GSK3A: variants seen among roughly 807,000 people sequenced by gnomAD.
The protein encoded by GSK3A is glycogen synthase kinase 3 alpha, also known as glycogen synthase kinase-3 alpha.
A neutral mutation model predicts 56.6 loss-of-function variants in GSK3A; 14 were observed. The observed-to-expected ratio is 0.25, with a 90% confidence interval of 0.16 to 0.39. The LOEUF is 0.39. Ranked by LOEUF, GSK3A falls within the 10% of genes least tolerant of loss-of-function variation. GSK3A has a pLI of 1.00. For missense variants in GSK3A, 450 were observed against 656.0 expected, an observed-to-expected ratio of 0.69 and a Z score of 3.43; for synonymous variants, 301 against 285.0, an observed-to-expected ratio of 1.06 and a Z score of -0.56.
At position 42,242,577 on chromosome 19, in the gene GSK3A, G is replaced by T. The variant is rs1012481122; in HGVS notation, c.-112C>A. The stretch of plus-strand genomic sequence containing the variant: ...GGCCTCTTCCAGGCCGCGCCGCTCT[G>T]GCTTGGGCTCCGGCTCCGGCCCAGC... On this transcript the variant is annotated 5_prime_UTR_variant, in exon 1 of 11. Coordinates refer to ENST00000222330, the MANE Select transcript of GSK3A (RefSeq NM_019884.3). 8 of 929,246 alleles carry T rather than the reference G, an allele frequency of 8.6e-6. No homozygotes were observed. The Admixed American group carries it at 1.4e-4, about 16-fold the overall frequency. The allele number at this position is 929,246 out of a possible 1,614,324, so 57.6% of individuals were successfully genotyped here. A position where few individuals can be genotyped will look rare whatever the true frequency, so the allele number is the denominator to read the frequency against.
In GSK3A at chr19:42,233,742, C is replaced by G. The variant is rs370392236; in HGVS notation, c.905-359G>C. ...ACAGCCTTAAATCCTGGACTGCCTT[C>G]CTCTTGTTCCAGCCTCTCTCCTGCC... On this transcript the variant is annotated intron_variant, in intron 6 of 10. Coordinates refer to ENST00000222330, the MANE Select transcript of GSK3A (RefSeq NM_019884.3). 1.2e-4 allele frequency among the ~76,000 whole-genome samples: 18 copies of G among 152,312 alleles called. 1 individual carries two copies. Among genetic ancestry groups the G allele is most frequent in the African/African-American group, 4.3e-4 (18 of 41,544 alleles).
Position 42,240,144 on chromosome 19 carries a change from T to TG in GSK3A, c.284-3dup. 6.2e-7 allele frequency: 1 copy of TG among 1,613,908 alleles called. No individual in the cohort carries two copies. The highest frequency in any genetic ancestry group is 8.5e-7 in the Non-Finnish European group (1 of 1,179,776). On this transcript the variant is annotated splice_region_variant and splice_polypyrimidine_tract_variant and intron_variant, in intron 1 of 10. Coordinates refer to ENST00000222330, the MANE Select transcript of GSK3A (RefSeq NM_019884.3). ...CTGTGGTCACCTTCCCGCTGTCACC[T>TG]GGGGAACAAAGGGGATACACGATCC...
intron 2 of GSK3A, among the ~76,000 whole-genome samples, chr19:42,237,211 T>C (rs1018009099): frequency 2.6e-5 from 4 of 151,520 alleles, no homozygotes; most frequent in Non-Finnish European, 5.9e-5. Flanking sequence ...CAGGCTGGCA[T>C]GCAGTGGCTC....
rs541852986 is a variant in GSK3A at position 42,230,453 on chromosome 19, C to T, written c.*341G>A. 6.0e-5 allele frequency: 18 copies of T among 299,762 alleles called. 1 individual carries two copies. The highest frequency in any genetic ancestry group is 9.3e-4 in the Middle Eastern group (1 of 1,072). The allele number at this position is 299,762 out of a possible 1,614,324, so 18.6% of individuals were successfully genotyped here. A position where few individuals can be genotyped will look rare whatever the true frequency, so the allele number is the denominator to read the frequency against. On this transcript the variant is annotated 3_prime_UTR_variant, in exon 11 of 11. Coordinates refer to ENST00000222330, the MANE Select transcript of GSK3A (RefSeq NM_019884.3). ...GGGGGCCAGGGAAGGGAAGAGGAGA[C>T]GGGCTGGGCTGGTTCTATTTACAAG...
chr19:42,230,948 T>G, intron 10 of GSK3A, 81 bp from the exon 11 acceptor site: 17 of 878,436 alleles, frequency 1.9e-5, no homozygotes, highest in Non-Finnish European at 2.8e-5. Flanking sequence ...AGGAATTCTC[T>G]TGTCATAGAT....
Position 42,232,542 on chromosome 19 carries a change from C to T in GSK3A, c.1239G>A (p.Leu413=), listed in dbSNP as rs1420977237. The T allele has an allele frequency of 7.4e-6, 12 of 1,614,184 alleles. No individual in the cohort carries two copies. Among genetic ancestry groups the T allele is most frequent in the Non-Finnish European group, 9.3e-6 (11 of 1,180,034 alleles). The change falls in exon 9 of 11, where the codon CTG becomes CTA. Residue 413 remains leucine (L), a synonymous_variant. Transcript: ENST00000222330. ...FDELRCLGTQ[L]PNNRPLPPLF... ...GAGGGGGAAGTGGGCGGTTGTTAGGCAGCTGGGTTCCCAGACATCGCAGTT... is the reference window on the plus strand; with the variant it reads ...GAGGGGGAAGTGGGCGGTTGTTAGGTAGCTGGGTTCCCAGACATCGCAGTT...
intron 4 of GSK3A, among the ~76,000 whole-genome samples, chr19:42,235,350 C>A (rs2036250292): frequency 6.6e-6 from 1 of 152,272 alleles, no homozygotes; most frequent in Middle Eastern, 3.4e-3. Context: ...GCTTCCCCCT[C>A]ACCAAAACCA....
intron 4 of GSK3A, among the ~76,000 whole-genome samples, chr19:42,236,269 T>G (rs911136712): frequency 6.6e-5 from 10 of 152,124 alleles, no homozygotes; most frequent in Non-Finnish European, 1.5e-4. Context: ...AGCAGCTGTC[T>G]CTGTGCAGTC....
rs148628740 is a variant in GSK3A at position 42,240,463 on chromosome 19, C to A, written c.284-321G>T. On this transcript the variant is annotated intron_variant, in intron 1 of 10. Transcript: ENST00000222330. ...GGTCCATCTTGGTACTGGGAGACAT[C>A]AGATGTTGACTCCATCTACTCTGGA... The A allele has an allele frequency of 1.8e-3, 967 of 543,256 alleles. 16 individuals are homozygous for A. Among genetic ancestry groups the A allele is most frequent in the African/African-American group, 0.016 (874 of 53,172 alleles). 33.7% of individuals were successfully genotyped at this position (543,256 alleles called of 1,614,324 possible).
Position 42,234,354 on chromosome 19 carries a change from G to A in GSK3A, c.903C>T (p.Ile301=), listed in dbSNP as rs762115653. 19 of 1,611,300 alleles carry A rather than the reference G, an allele frequency of 1.2e-5. No homozygotes were observed. The highest frequency in any genetic ancestry group is 2.7e-5 in the African/African-American group (2 of 74,868). Residue 301 remains isoleucine, a splice_region_variant and synonymous_variant, in exon 6 of 11, where the codon ATC becomes ATT. Coordinates refer to ENST00000222330, the MANE Select transcript of GSK3A (RefSeq NM_019884.3). This position sits in a 1 kb window ranked among gnomAD's most constrained non-coding sequence, Gnocchi z 5.7. ...IFGATDYTSS[I]DVWSAGCVLA... ...CCGCCACCCTCCCATAACTCTGACC[G>A]ATGGATGAGGTGTAATCAGTGGCTC...
At position 42,232,477 on chromosome 19, in the gene GSK3A, T is replaced by C; in HGVS notation, c.1285+19A>G. 6.2e-7 allele frequency: 1 copy of C among 1,612,748 alleles called. No individual in the cohort carries two copies. Among genetic ancestry groups the C allele is most frequent in the Non-Finnish European group, 8.5e-7 (1 of 1,179,092 alleles). ...CCCCTACCCCGCCCCACTCCCCAGATCCCAGGCTATGCCCTCACCACCAGC... is the reference window on the plus strand; with the variant it reads ...CCCCTACCCCGCCCCACTCCCCAGACCCCAGGCTATGCCCTCACCACCAGC... On this transcript the variant is annotated intron_variant, in intron 9 of 10. Coordinates refer to ENST00000222330, the MANE Select transcript of GSK3A (RefSeq NM_019884.3).
chr19:42,235,856 C>T (rs1304677077), intron 4 of GSK3A, among the ~76,000 whole-genome samples: 1 of 152,196 alleles, frequency 6.6e-6, no homozygotes, highest in Non-Finnish European at 1.5e-5. Context: ...AGGACAGATT[C>T]GCCAAACCAG....
intron 10 of GSK3A, among the ~76,000 whole-genome samples, chr19:42,231,532 AAC>A (rs1309980240): frequency 6.6e-6 from 1 of 152,140 alleles, no homozygotes; most frequent in African/African-American, 2.4e-5. Context: ...CTGTAATCCC[AAC>A]ACTTTAGGAG....
chr19:42,232,969 A>G, intron 8 of GSK3A, 141 bp downstream of exon 8: 1 of 667,582 alleles, frequency 1.5e-6, no homozygotes, highest in Non-Finnish European at 2.6e-6. Flanking sequence ...AAACTTTGAA[A>G]GCGGATGGAT....
At position 42,234,038 on chromosome 19, in the gene GSK3A, T is replaced by A. The variant is rs991505406; in HGVS notation, c.904+315A>T. Among the ~76,000 whole-genome samples the A allele has an allele frequency of 1.4e-4, 21 of 152,062 alleles. No homozygotes were observed. Among genetic ancestry groups the A allele is most frequent in the Non-Finnish European group, 2.2e-4 (15 of 68,018 alleles). ...CTTGCTTCCCGGTTCCCCCAAGGTC[T>A]CCAGCAGCCCTTCCCCCTAGCTGAG... is the stretch of plus-strand genomic sequence containing the variant. On this transcript the variant is annotated intron_variant, in intron 6 of 10. Transcript: ENST00000222330. This position sits in a 1 kb window ranked among gnomAD's most constrained non-coding sequence, Gnocchi z 5.7.
At chr19:42,236,815 A>G (rs749231856) in intron 3 of GSK3A, 43 bp downstream of exon 3, 45 of 1,530,876 alleles carry the variant, frequency 2.9e-5, no homozygotes, top group Non-Finnish European at 4.0e-5. Flanking sequence ...GGCAGGCAGG[A>G]AAATGGCTGG....
Position 42,230,689 on chromosome 19 carries a change from T to C in GSK3A, c.*105A>G. 1 of 815,136 alleles carries C rather than the reference T, an allele frequency of 1.2e-6. No homozygotes were observed. 50.5% of individuals were successfully genotyped at this position (815,136 alleles called of 1,614,324 possible). A position where few individuals can be genotyped will look rare whatever the true frequency, so the allele number is the denominator to read the frequency against. On this transcript the variant is annotated 3_prime_UTR_variant, in exon 11 of 11. Coordinates refer to ENST00000222330, the MANE Select transcript of GSK3A (RefSeq NM_019884.3). ...CAGGGACTCATTTACCTCTGCCCTC[T>C]AGTCTAGGGGCCCAGCCAGGGCAGG...
chr19:42,238,049 A>C (rs1176270529), intron 2 of GSK3A, among the ~76,000 whole-genome samples: 10 of 151,300 alleles, frequency 6.6e-5, no homozygotes, highest in Admixed American at 6.6e-4. Context: ...CCAGCCTTAA[A>C]ATAAAAATAA....
In GSK3A at chr19:42,239,349, C is replaced by A. The variant is rs138772744; in HGVS notation, c.471+606G>T. On this transcript the variant is annotated intron_variant, in intron 2 of 10. Transcript: ENST00000222330. ...TCAGTTCTCCTACATCCAGACTAGT[C>A]TAAGCTCCAAATGCCAGGCCCTTAA... is the stretch of plus-strand genomic sequence containing the variant. Among the ~76,000 whole-genome samples the A allele has an allele frequency of 9.8e-4, 149 of 152,326 alleles. 2 individuals carry two copies. The highest frequency in any genetic ancestry group is 3.5e-3 in the African/African-American group (146 of 41,574).
Sources: allele counts gnomAD v4.1 joint callset (sites outside exome capture counted in the v4.1 genomes callset), GRCh38; gene constraint gnomAD v4.1.1; non-coding constraint Gnocchi (gnomAD v3.1); transcripts MANE v1.5; gene names NCBI Gene and HGNC (gene_info 2026-07-23, HGNC 2026-07-21).